The following TEX9 variants were observed in gnomAD, a reference collection of about 807,000 sequenced individuals.
TEX9 encodes the protein testis expressed 9, also known as testis-expressed protein 9.
Under a neutral mutation model 59.6 loss-of-function variants are expected in TEX9, and 74 were observed. The ratio of observed to expected loss-of-function variants is 1.24; its 90% CI spans 1.03 to 1.51. The LOEUF (loss-of-function observed/expected upper bound fraction) is 1.51. Among genes scored for constraint, TEX9 ranks in the 40% most tolerant of loss-of-function variants. TEX9 has a pLI of 0.00. For missense variants in TEX9, 522 were observed against 447.8 expected, an observed-to-expected ratio of 1.17 and a Z score of -1.49; for synonymous variants, 186 against 152.2, an observed-to-expected ratio of 1.22 and a Z score of -1.64.
chr15:56,250,267 G>T (rs573441593), intron 1 of TEX9, among the ~76,000 whole-genome samples: 1 of 152,220 alleles, frequency 6.6e-6, no homozygotes, highest in East Asian at 1.9e-4. Flanking sequence ...AGTGAATGGC[G>T]TAGCTAATAA....
chr15:56,259,313 A>G (rs2044212701), intron 1 of TEX9, among the ~76,000 whole-genome samples: 1 of 152,088 alleles, frequency 6.6e-6, no homozygotes, highest in South Asian at 2.1e-4. Context: ...TGTATGACCT[A>G]CAAAGCTGAA....
At chr15:56,459,711 C>T in the TEX9 span, among the ~76,000 whole-genome samples, 12 of 151,858 alleles carry the variant, frequency 7.9e-5, no homozygotes, top group South Asian at 2.1e-4. Flanking sequence ...TGGCTGGGCA[C>T]GGTGGCTCAT....
In TEX9 at chr15:56,391,230, T is replaced by G. The variant is rs577564826; in HGVS notation, c.396-13T>G. 21 of 1,525,172 alleles carry G rather than the reference T, an allele frequency of 1.4e-5. No individual in the cohort carries two copies. Among genetic ancestry groups the G allele is most frequent in the Admixed American group, 4.4e-5 (2 of 45,344 alleles). 94.5% of individuals were successfully genotyped at this position (1,525,172 alleles called of 1,614,324 possible). ...GTATATACATACATATGTATTTAATTTTTATTTTTTAGTGTTAAATTGAAA... is the reference window on the plus strand; with the variant it reads ...GTATATACATACATATGTATTTAATGTTTATTTTTTAGTGTTAAATTGAAA... On this transcript the variant is annotated splice_polypyrimidine_tract_variant and intron_variant, in intron 6 of 12. Coordinates refer to ENST00000352903, the Ensembl canonical transcript of TEX9.
Position 56,246,028 on chromosome 15 carries a change from A to G in TEX9, c.-107+1750A>G, listed in dbSNP as rs1457365422. Among the ~76,000 whole-genome samples, 3 of 152,170 alleles carry G rather than the reference A, an allele frequency of 2.0e-5. No homozygotes were observed. In the East Asian group the frequency reaches 5.8e-4, roughly 29 times the overall value. ...AAGTGGGAGAGTCATCGAGGGGGTA[A>G]CGTATCTAAGGTCTGCCAAAGGCCT... On this transcript the variant is annotated intron_variant, in intron 1 of 5. Coordinates refer to the TEX9 transcript ENST00000560827.
At chr15:56,369,181 T>A (rs1201993509) in intron 2 of TEX9, among the ~76,000 whole-genome samples, 1 of 152,048 alleles carries the variant, frequency 6.6e-6, no homozygotes, top group African/African-American at 2.4e-5. Flanking sequence ...TTTACTGTTG[T>A]CTAGTTTTTA....
chr15:56,326,722 C>G (rs528663535), intron 1 of TEX9, among the ~76,000 whole-genome samples: 33 of 152,240 alleles, frequency 2.2e-4, no homozygotes, highest in Non-Finnish European at 4.0e-4. Flanking sequence ...CTGGGAGATG[C>G]TGCAAAATAA....
chr15:56,348,079 T>A (rs1250277064), intron 1 of TEX9, among the ~76,000 whole-genome samples: 1 of 152,146 alleles, frequency 6.6e-6, no homozygotes, highest in African/African-American at 2.4e-5. Flanking sequence ...GATGTCAGTA[T>A]CCTAATTGTG....
At chr15:56,267,567 C>A (rs1356887739) in intron 1 of TEX9, among the ~76,000 whole-genome samples, 2 of 152,142 alleles carry the variant, frequency 1.3e-5, no homozygotes, top group Non-Finnish European at 2.9e-5. Flanking sequence ...TTTCCTAATA[C>A]CATTTATTAA....
intron 10 of TEX9, among the ~76,000 whole-genome samples, chr15:56,424,036 C>G (rs1323630406): frequency 2.6e-5 from 4 of 151,670 alleles, no homozygotes; most frequent in Non-Finnish European, 4.4e-5. Flanking sequence ...TCCCTTATTG[C>G]TTTATTGGTC....
chr15:56,388,569 G>A (rs757388038), intron 5 of TEX9, 49 bp downstream of exon 5: 47 of 1,524,834 alleles, frequency 3.1e-5, no homozygotes, highest in Non-Finnish European at 4.1e-5. Flanking sequence ...GTAGAACTCC[G>A]GATATTTTTT....
chr15:56,264,531 T>G (rs2044337230), intron 1 of TEX9, among the ~76,000 whole-genome samples: 1 of 152,226 alleles, frequency 6.6e-6, no homozygotes, highest in Non-Finnish European at 1.5e-5. Flanking sequence ...GTCTGTTGCT[T>G]GTCTTTAATT....
chr15:56,457,619 T>G, the TEX9 span, among the ~76,000 whole-genome samples: 2 of 152,106 alleles, frequency 1.3e-5, no homozygotes, highest in Admixed American at 6.6e-5. Flanking sequence ...GCCAGGAGTT[T>G]GAGACCAGCC....
At position 56,296,810 on chromosome 15, in the gene TEX9, A is replaced by G. The variant is rs1010621938; in HGVS notation, c.-107+52532A>G. ...AATCAGTAAACTGGTGAGTTCAATT[A>G]TTCTACTTTTTTTTCTTTTTCTTTT... On this transcript the variant is annotated intron_variant, in intron 1 of 5. Transcript: ENST00000560827. Among the ~76,000 whole-genome samples, 80 of 152,216 alleles carry G rather than the reference A, an allele frequency of 5.3e-4. 1 individual carries two copies. The highest frequency in any genetic ancestry group is 5.2e-3 in the Admixed American group (80 of 15,286).
Position 56,412,450 on chromosome 15 carries a change from GA to G in TEX9, c.963+16del. Reference sequence around the variant, plus strand: ...CAAAATAACAAGGTATGGAAAAATTGAATAGCTTTTGTAGTGATCCCTTTTG... The same window carrying G: ...CAAAATAACAAGGTATGGAAAAATTGATAGCTTTTGTAGTGATCCCTTTTG... On this transcript the variant is annotated intron_variant, in intron 10 of 12. Transcript: ENST00000352903. 6 of 1,601,550 alleles carry G rather than the reference GA, an allele frequency of 3.7e-6. No homozygotes were observed. Among genetic ancestry groups the G allele is most frequent in the Non-Finnish European group, 5.1e-6 (6 of 1,176,612 alleles).
rs185005213 is a variant in TEX9, at chr15:56,443,817, G to A, written c.*30-1854G>A. ...TTCTGAAACTCTTCTATATACCTTC[G>A]CATTGCATTCATTTTTTCTAACTTT... On this transcript the variant is annotated intron_variant, in intron 12 of 12. Coordinates refer to ENST00000352903, the Ensembl canonical transcript of TEX9. The A allele has an allele frequency of 1.7e-4, 273 of 1,605,450 alleles. 1 individual carries two copies. Among genetic ancestry groups the A allele is most frequent in the South Asian group, 1.2e-3 (104 of 88,410 alleles).
chr15:56,448,838 C>T (rs1309492270), downstream of TEX9, among the ~76,000 whole-genome samples: 2 of 150,170 alleles, frequency 1.3e-5, no homozygotes, highest in African/African-American at 2.5e-5. Flanking sequence ...ACTGCAAGCT[C>T]CGCCACCCAG....
In TEX9 at chr15:56,388,395, A is replaced by C. The variant is rs1435930519; in HGVS notation, c.264-77A>C. 8.7e-6 allele frequency: 10 copies of C among 1,152,846 alleles called. No individual in the cohort carries two copies. The East Asian group carries it at 2.4e-4, about 27-fold the overall frequency. The allele number at this position is 1,152,846 out of a possible 1,614,324, so 71.4% of individuals were successfully genotyped here. ...TGATTGTTGAATATTTTCCCTTTCA[A>C]ATATAATTGTTGAATTTCATTGTCT... On this transcript the variant is annotated intron_variant, in intron 4 of 12. Coordinates refer to ENST00000352903, the Ensembl canonical transcript of TEX9.
chr15:56,340,446 T>G (rs2046350940), intron 1 of TEX9, among the ~76,000 whole-genome samples: 1 of 152,220 alleles, frequency 6.6e-6, no homozygotes, highest in Non-Finnish European at 1.5e-5. Context: ...AGGTATTCCC[T>G]TTTGAAGGAA....
In TEX9 at chr15:56,343,411, CAG is replaced by C. The variant is rs377429801; in HGVS notation, c.-106-30028_-106-30027del. 1.3e-3 allele frequency among the ~76,000 whole-genome samples: 198 copies of C among 151,884 alleles called. 1 individual carries two copies. Among genetic ancestry groups the C allele is most frequent in the African/African-American group, 4.7e-3 (196 of 41,466 alleles). On this transcript the variant is annotated intron_variant, in intron 1 of 5. Transcript: ENST00000560827. ...AAGCTAAGAACAGAAATCAATAAAACAGAAAATAAATATATTGTAGAGAAAAA... is the reference window on the plus strand; with the variant it reads ...AAGCTAAGAACAGAAATCAATAAAACAAAATAAATATATTGTAGAGAAAAA...
Sources: gnomAD v4.1 joint callset for allele counts (sites outside exome capture counted in the v4.1 genomes callset) on GRCh38, gnomAD v4.1.1 for gene constraint, MANE v1.5 for transcripts, NCBI Gene and HGNC (gene_info 2026-07-23, HGNC 2026-07-21) for gene names.